The following DPYD variants were observed in gnomAD, a reference collection of about 807,000 sequenced individuals.
DPYD encodes the protein dihydropyrimidine dehydrogenase [NADP(+)].
A neutral mutation model predicts 116.2 loss-of-function variants in DPYD; 109 were observed. The ratio of observed to expected loss-of-function variants is 0.94; its 90% confidence interval spans 0.80 to 1.10. DPYD has a LOEUF of 1.10. DPYD is among the 50% of genes least tolerant of loss of function. The probability of loss-of-function intolerance (pLI) is 0.00; values close to 1 mark genes in which losing one functional copy is unlikely to be tolerated. For missense variants in DPYD, 1,302 were observed against 1,254.5 expected, an observed-to-expected ratio of 1.04 and a Z score of -0.57; for synonymous variants, 440 against 432.0, an observed-to-expected ratio of 1.02 and a Z score of -0.23.
chr1:97,602,607 G>GA (rs1031597254), intron 8 of DPYD, among the ~76,000 whole-genome samples: 4 of 151,696 alleles, frequency 2.6e-5, no homozygotes, highest in Non-Finnish European at 5.9e-5. Flanking sequence ...TATACATTTG[G>GA]AAAAAATACA....
intron 13 of DPYD, among the ~76,000 whole-genome samples, chr1:97,504,407 C>T (rs1019412708): frequency 2.1e-4 from 32 of 151,856 alleles, no homozygotes; most frequent in African/African-American, 7.3e-4. Context: ...ATTAAGGGAC[C>T]CATATTTAAA....
chr1:97,633,526 C>T (rs762749567), intron 8 of DPYD, among the ~76,000 whole-genome samples: 2 of 151,918 alleles, frequency 1.3e-5, no homozygotes, highest in Non-Finnish European at 2.9e-5. Context: ...AAATCATCAA[C>T]GATTTTAGAC....
chr1:97,087,073 C>T (rs76547335), intron 21 of DPYD, among the ~76,000 whole-genome samples: 2,292 of 152,296 alleles, frequency 0.015, 56 homozygotes, highest in African/African-American at 0.052. Context: ...TTTTTAACTT[C>T]TTCCTTTACT....
At chr1:97,580,941 T>C (rs923876618) in intron 10 of DPYD, among the ~76,000 whole-genome samples, 1 of 152,056 alleles carries the variant, frequency 6.6e-6, no homozygotes, top group African/African-American at 2.4e-5. Flanking sequence ...AACTCGCATT[T>C]GGGGGATAAA....
intron 3 of DPYD, 30 bp downstream of exon 3, chr1:97,828,084 G>A (rs1249409219): frequency 3.1e-6 from 5 of 1,598,420 alleles, no homozygotes; most frequent in Non-Finnish European, 2.6e-6. Context: ...TACCACATCT[G>A]TGACTGTTGC....
At chr1:97,894,682 T>C (rs1424233328) in intron 1 of DPYD, among the ~76,000 whole-genome samples, 3 of 151,706 alleles carry the variant, frequency 2.0e-5, no homozygotes, top group Non-Finnish European at 4.4e-5. Context: ...ATAACATATA[T>C]ACTTTATATA....
intron 3 of DPYD, among the ~76,000 whole-genome samples, chr1:97,779,992 T>C (rs1304674788): frequency 6.6e-6 from 1 of 152,206 alleles, no homozygotes; most frequent in African/African-American, 2.4e-5. Flanking sequence ...ATATAATGGC[T>C]ACTTACATAA....
chr1:97,532,204 C>T (rs1649678159), intron 12 of DPYD, among the ~76,000 whole-genome samples: 1 of 151,972 alleles, frequency 6.6e-6, no homozygotes, highest in Non-Finnish European at 1.5e-5. Context: ...TCTTTGCATC[C>T]TAGGAATAAG....
chr1:97,564,017 C>T (rs1319879046), intron 11 of DPYD, among the ~76,000 whole-genome samples: 1 of 152,134 alleles, frequency 6.6e-6, no homozygotes, highest in Non-Finnish European at 1.5e-5. Context: ...ATTTTTGAAA[C>T]ATGTACAGTG....
At chr1:97,380,251 A>G (rs1671874019) in intron 15 of DPYD, among the ~76,000 whole-genome samples, 1 of 152,188 alleles carries the variant, frequency 6.6e-6, no homozygotes, top group African/African-American at 2.4e-5. Flanking sequence ...GGGACTTTAT[A>G]CATAGTAGGT....
chr1:97,675,562 T>G (rs372990935), intron 8 of DPYD, among the ~76,000 whole-genome samples: 5 of 152,150 alleles, frequency 3.3e-5, no homozygotes, highest in Non-Finnish European at 7.4e-5. Context: ...TCATGCACTA[T>G]AGTTAAAATC....
At chr1:97,855,149 A>G (rs1409708256) in intron 2 of DPYD, 1 of 152,218 alleles carries the variant, frequency 6.6e-6, no homozygotes, top group Non-Finnish European at 1.5e-5. Flanking sequence ...TTCGGTTCAG[A>G]GAAGAATTGT....
At position 97,733,673 on chromosome 1, in the gene DPYD, A is replaced by G. The variant is rs574777972; in HGVS notation, c.321+6719T>C. ...ATTGCTTTAAATAATATATTTGTAT[A>G]TGTGTCCCTTTACATTGTAATTACT... On this transcript the variant is annotated intron_variant, in intron 4 of 22. Transcript: ENST00000370192. 1.4e-4 allele frequency among the ~76,000 whole-genome samples: 22 copies of G among 152,158 alleles called. No individual in the cohort carries two copies. The East Asian group carries it at 3.7e-3, about 25-fold the overall frequency.
intron 16 of DPYD, among the ~76,000 whole-genome samples, chr1:97,364,719 G>A (rs1022574078): frequency 1.3e-5 from 2 of 152,134 alleles, no homozygotes; most frequent in African/African-American, 4.8e-5. Context: ...ACCACCTCGT[G>A]TTTGTCTGGG....
chr1:97,246,392 C>G (rs1024050813), intron 18 of DPYD, among the ~76,000 whole-genome samples: 2 of 152,038 alleles, frequency 1.3e-5, no homozygotes, highest in Admixed American at 1.3e-4. Flanking sequence ...ACTGCTGAAA[C>G]TTAGAAGACA....
At chr1:97,443,967 C>T (rs555771033) in intron 14 of DPYD, among the ~76,000 whole-genome samples, 1 of 152,268 alleles carries the variant, frequency 6.6e-6, no homozygotes, top group South Asian at 2.1e-4. Context: ...TGACTCAGTT[C>T]CCTGATTCCG....
At chr1:97,668,294 G>A (rs1345326561) in intron 8 of DPYD, among the ~76,000 whole-genome samples, 1 of 152,032 alleles carries the variant, frequency 6.6e-6, no homozygotes, top group Non-Finnish European at 1.5e-5. Context: ...TGGTTTCAGA[G>A]GGACCTCAGT....
intron 8 of DPYD, among the ~76,000 whole-genome samples, chr1:97,671,070 A>G (rs1557873402): frequency 6.6e-6 from 1 of 152,116 alleles, no homozygotes; most frequent in Non-Finnish European, 1.5e-5. Flanking sequence ...TGTGTTTTAT[A>G]AAAGGTTTTT....
chr1:97,150,413 A>C (rs531553823), intron 20 of DPYD, among the ~76,000 whole-genome samples: 15 of 152,312 alleles, frequency 9.8e-5, no homozygotes, highest in Middle Eastern at 6.8e-3. Flanking sequence ...CATTTGCTGG[A>C]TGGATGAATA....
Sources: allele counts gnomAD v4.1 joint callset (sites outside exome capture counted in the v4.1 genomes callset), GRCh38; gene constraint gnomAD v4.1.1; transcripts MANE v1.5; gene names NCBI Gene and HGNC (gene_info 2026-07-23, HGNC 2026-07-21).